SLC12A2: variants seen among roughly 807,000 people sequenced by gnomAD.
The protein encoded by SLC12A2 is Na-K-2Cl cotransporter 1.
SLC12A2 carries 67 observed loss-of-function variants against 136.3 expected under a neutral mutation model. That is an observed-to-expected ratio of 0.49 (90% CI 0.40 to 0.60). The LOEUF (loss-of-function observed/expected upper bound fraction) is 0.60, where lower values mean the gene tolerates loss of function less well. SLC12A2 is among the 20% of genes least tolerant of loss of function. SLC12A2 has a pLI of 0.00. For missense variants in SLC12A2, 1,322 were observed against 1,534.7 expected (o/e 0.86, Z 2.32); for synonymous variants, 619 against 562.9 (o/e 1.10, Z -1.41).
At position 128,140,710 on chromosome 5, in the gene SLC12A2, A is replaced by G. The variant is rs532765951; in HGVS notation, c.1622-1120A>G. Among the ~76,000 whole-genome samples the G allele has an allele frequency of 3.4e-4, 51 of 150,532 alleles. 2 individuals are homozygous for G. The highest frequency in any genetic ancestry group is 1.2e-3 in the African/African-American group (49 of 39,968). ...AAGAAGTGGAACCTTCCCCCCCCAA[A>G]AAATTTCAGGCATAGACTATCAGAA... On this transcript the variant is annotated intron_variant, in intron 9 of 26. Transcript: ENST00000262461.
In SLC12A2 at chr5:128,084,239, TGCGGCGGCG is replaced by T. The variant is rs746633185; in HGVS notation, c.300_308del (p.Ala105_Ala107del). On this transcript the variant is annotated inframe_deletion, in exon 1 of 27. Transcript: ENST00000262461. This position sits in a 1 kb window ranked among gnomAD's most constrained non-coding sequence, Gnocchi z 5.6. ...CCGAGAACGCCGGGCGGGCCGCTGC[TGCGGCGGCG>T]GCGGCGGCGGCGGCAGCGGCGGCGG... 2.2e-4 allele frequency: 283 copies of T among 1,279,576 alleles called. 5 individuals are homozygous for T. The highest frequency in any genetic ancestry group is 1.9e-3 in the Middle Eastern group (7 of 3,590). 79.3% of individuals were successfully genotyped at this position (1,279,576 alleles called of 1,614,324 possible).
intron 1 of SLC12A2, chr5:128,109,545 G>C: frequency 1.5e-6 from 1 of 678,922 alleles, no homozygotes. Flanking sequence ...CACTTGCTGG[G>C]TGGAGAAAGG....
chr5:128,109,669 A>C (rs1581068360), intron 1 of SLC12A2: 4 of 945,152 alleles, frequency 4.2e-6, no homozygotes. Context: ...ATAGCTTCAC[A>C]TCTTCTCCAG....
chr5:128,171,409 A>C (rs1415819769), intron 18 of SLC12A2, among the ~76,000 whole-genome samples: 1 of 152,190 alleles, frequency 6.6e-6, no homozygotes, highest in East Asian at 1.9e-4. Context: ...CTGCTGCTTT[A>C]AACCGCTGCT....
intron 1 of SLC12A2, among the ~76,000 whole-genome samples, chr5:128,108,052 A>G (rs1246519314): frequency 6.6e-6 from 1 of 151,920 alleles, no homozygotes; most frequent in Non-Finnish European, 1.5e-5. Flanking sequence ...GCATTTTTTC[A>G]TATGTTTGTT....
At chr5:128,087,227 G>A (rs893828678) in intron 1 of SLC12A2, among the ~76,000 whole-genome samples, 11 of 152,142 alleles carry the variant, frequency 7.2e-5, no homozygotes, top group Non-Finnish European at 1.0e-4. Flanking sequence ...GGACCAGTAG[G>A]CATGAGTTCT....
intron 4 of SLC12A2, among the ~76,000 whole-genome samples, chr5:128,125,387 TG>T (rs1761749793): frequency 6.6e-6 from 1 of 152,178 alleles, no homozygotes; most frequent in African/African-American, 2.4e-5. Flanking sequence ...AGGAGGAGTT[TG>T]GGCTATTTGC....
chr5:128,149,864 C>T (rs1762642960), intron 12 of SLC12A2, 133 bp from the exon 13 acceptor site: 1 of 693,196 alleles, frequency 1.4e-6, no homozygotes, highest in South Asian at 1.6e-5. Flanking sequence ...ATATGGCAAA[C>T]TCTAAATGTT....
chr5:128,174,732 A>T, intron 20 of SLC12A2, 66 bp downstream of exon 20: 2 of 1,197,848 alleles, frequency 1.7e-6, no homozygotes. Flanking sequence ...AATATTTTTA[A>T]TTATATAATA....
intron 10 of SLC12A2, among the ~76,000 whole-genome samples, chr5:128,146,804 A>G (rs1208118560): frequency 1.3e-5 from 2 of 151,714 alleles, no homozygotes; most frequent in Non-Finnish European, 3.0e-5. Flanking sequence ...ATCTTAACAT[A>G]AGAAACAGCC....
intron 9 of SLC12A2, among the ~76,000 whole-genome samples, chr5:128,141,362 A>G (rs1381172480): frequency 2.6e-5 from 4 of 152,164 alleles, no homozygotes; most frequent in African/African-American, 9.7e-5. Flanking sequence ...TATAATTATA[A>G]TTCATTAACA....
Position 128,177,106 on chromosome 5 carries a change from TGAG to T in SLC12A2, c.2934_2936del (p.Glu980del). On this transcript the variant is annotated inframe_deletion and splice_region_variant, in exon 21 of 27. Transcript: ENST00000262461. ...TTGTGTTTTTTAAACATAATCTAGT[TGAG>T]GAAGAGGATGGCAAGACTGCAACTC... 2 of 1,576,412 alleles carry T rather than the reference TGAG, an allele frequency of 1.3e-6. No individual in the cohort carries two copies. Among genetic ancestry groups the T allele is most frequent in the Non-Finnish European group, 1.7e-6 (2 of 1,165,694 alleles).
At chr5:128,115,540 T>C (rs1213529705) in intron 4 of SLC12A2, among the ~76,000 whole-genome samples, 2 of 152,128 alleles carry the variant, frequency 1.3e-5, no homozygotes, top group Non-Finnish European at 2.9e-5. Flanking sequence ...GAAGAGGACC[T>C]AAGAGACTAC....
At chr5:128,164,042 A>C (rs1763124883) in intron 17 of SLC12A2, among the ~76,000 whole-genome samples, 1 of 152,208 alleles carries the variant, frequency 6.6e-6, no homozygotes, top group Non-Finnish European at 1.5e-5. Context: ...TTATACAAAC[A>C]ATAAATTTTA....
At position 128,131,177 on chromosome 5, in the gene SLC12A2, T is replaced by G; in HGVS notation, c.1159T>G (p.Phe387Val). 2 of 1,614,200 alleles carry G rather than the reference T, an allele frequency of 1.2e-6. No homozygotes were observed. The highest frequency in any genetic ancestry group is 1.7e-6 in the Non-Finnish European group (2 of 1,180,036). The part of the protein sequence containing the change: ...AVAVAMYVVG[F>V]AETVVELLKE... ...TGCAGTTGCTATGTATGTGGTTGGATTTGCAGAAACCGTGGTGGAGTTGCT... is the reference window on the plus strand; with the variant it reads ...TGCAGTTGCTATGTATGTGGTTGGAGTTGCAGAAACCGTGGTGGAGTTGCT... Residue 387 changes from phenylalanine to valine, a missense_variant, in exon 5 of 27, where the codon TTT becomes GTT. By Grantham distance (50) the Phe-to-Val change is conservative. Transcript: ENST00000262461.
intron 5 of SLC12A2, among the ~76,000 whole-genome samples, chr5:128,132,234 G>A (rs1421295086): frequency 6.6e-6 from 1 of 152,110 alleles, no homozygotes; most frequent in Non-Finnish European, 1.5e-5. Context: ...TGGAAATAGA[G>A]ACCATTTAGA....
intron 1 of SLC12A2, among the ~76,000 whole-genome samples, chr5:128,096,347 T>C (rs1462169933): frequency 6.6e-6 from 1 of 152,108 alleles, no homozygotes; most frequent in Non-Finnish European, 1.5e-5. Flanking sequence ...AGTGATAAGT[T>C]TGAATCCTGA....
At chr5:128,181,696 T>G (rs1200881913) in intron 23 of SLC12A2, among the ~76,000 whole-genome samples, 1 of 152,112 alleles carries the variant, frequency 6.6e-6, no homozygotes, top group African/African-American at 2.4e-5. Flanking sequence ...AATGTAGCAG[T>G]CAAGGCCCTT....
In SLC12A2 at chr5:128,084,132, G is replaced by A. The variant is rs1293539956; in HGVS notation, c.178G>A (p.Gly60Ser). ...SRDGGGVRDEGPAAAGDGLGR... is the reference protein window; with the variant it reads ...SRDGGGVRDESPAAAGDGLGR... ...GGACGGCGGCGGGGTCCGCGATGAG[G>A]GCCCCGCGGCGGCCGGGGACGGGCT... The change falls in exon 1 of 27, where the codon GGC (glycine) becomes AGC (serine). Residue 60 changes from glycine to serine, a missense_variant. Gly to Ser is a moderately conservative substitution (Grantham distance 56). Transcript: ENST00000262461. The surrounding 1 kb of genome is among the most constrained non-coding windows in gnomAD (Gnocchi z 5.6). The A allele has an allele frequency of 1.2e-5, 15 of 1,296,904 alleles. No individual in the cohort carries two copies. The highest frequency in any genetic ancestry group is 4.0e-5 in the Admixed American group (1 of 25,002). 80.3% of individuals were successfully genotyped at this position (1,296,904 alleles called of 1,614,324 possible). A position where few individuals can be genotyped will look rare whatever the true frequency, so the allele number is the denominator to read the frequency against.
Sources: allele counts gnomAD v4.1 joint callset (sites outside exome capture counted in the v4.1 genomes callset), GRCh38; gene constraint gnomAD v4.1.1; non-coding constraint Gnocchi (gnomAD v3.1); transcripts MANE v1.5; gene names NCBI Gene and HGNC (gene_info 2026-07-23, HGNC 2026-07-21).